The following B3GALNT1 variants were observed in gnomAD, a reference collection of about 807,000 sequenced individuals.
B3GALNT1 encodes the protein UDP-GalNAc:beta-1,3-N-acetylgalactosaminyltransferase 1.
In B3GALNT1, 17 loss-of-function variants were observed where a neutral mutation model predicts 27.3. The observed-to-expected ratio is 0.62, with a 90% confidence interval of 0.43 to 0.94. The LOEUF is 0.94. Among genes scored for constraint, B3GALNT1 ranks in the 40% least tolerant of loss-of-function variants. The pLI, the probability that B3GALNT1 is intolerant of heterozygous loss-of-function variation, is 0.00. For synonymous variants in B3GALNT1, 141 were observed against 144.0 expected (o/e 0.98, Z 0.15); for missense variants, 347 against 390.0 (o/e 0.89, Z 0.93).
At chr3:161,105,195 A>G (rs1176642473) in intron 1 of B3GALNT1, 40 bp downstream of exon 1, 1 of 152,154 alleles carries the variant, frequency 6.6e-6, no homozygotes, top group Non-Finnish European at 1.5e-5. Flanking sequence ...GCAGGACTCA[A>G]CCGCCTCGGA....
intron 4 of B3GALNT1, among the ~76,000 whole-genome samples, chr3:161,096,236 TA>T (rs1287720123): frequency 4.6e-5 from 7 of 152,234 alleles, no homozygotes; most frequent in Non-Finnish European, 1.5e-5. Flanking sequence ...ATTTGTTGAT[TA>T]TGTTTTTCTT....
chr3:161,098,088 C>T (rs947418953), intron 4 of B3GALNT1, among the ~76,000 whole-genome samples: 3 of 152,126 alleles, frequency 2.0e-5, no homozygotes, highest in Non-Finnish European at 2.9e-5. Context: ...AGCAATAGTC[C>T]TTGCTTGGTC....
At chr3:161,092,769 T>C (rs9865006) in intron 4 of B3GALNT1, among the ~76,000 whole-genome samples, 49 of 142,232 alleles carry the variant, frequency 3.4e-4, no homozygotes, top group African/African-American at 9.7e-4. Flanking sequence ...TTTTCTTTTT[T>C]TTTTTTTTTT....
At chr3:161,098,894 T>C (rs1294067190) in intron 4 of B3GALNT1, among the ~76,000 whole-genome samples, 1 of 152,192 alleles carries the variant, frequency 6.6e-6, no homozygotes. Flanking sequence ...CCATTTTCAA[T>C]AGGGTTCTTC....
chr3:161,085,833 C>T lies in B3GALNT1; in HGVS notation c.922G>A (p.Ala308Thr), dbSNP rs749221871. 50 of 1,614,028 alleles carry T rather than the reference C, an allele frequency of 3.1e-5. No individual in the cohort carries two copies. The highest frequency in any genetic ancestry group is 4.1e-5 in the Non-Finnish European group (48 of 1,180,018). Residue 308 changes from alanine to threonine, a missense_variant, in exon 5 of 5, where the codon GCC (alanine) becomes ACC (threonine). Physicochemically the swap from Ala to Thr is moderately conservative, Grantham distance 58. Transcript: ENST00000320474. ...ATCTCCTTGGAAGAAAAGCCATGGG[C>T]TGCAATCACACGTCTCAGTTGACAG... ...DVCQLRRVIA[A>T]HGFSSKEIIT...
At chr3:161,097,980 A>C (rs1022171083) in intron 4 of B3GALNT1, among the ~76,000 whole-genome samples, 3 of 152,218 alleles carry the variant, frequency 2.0e-5, no homozygotes, top group Non-Finnish European at 4.4e-5. Flanking sequence ...TTAAAAATGA[A>C]ATATGCTTTA....
chr3:161,104,218 A>C, intron 2 of B3GALNT1, 101 bp downstream of exon 2: 1 of 911,268 alleles, frequency 1.1e-6, no homozygotes. Flanking sequence ...ACACATGCAT[A>C]CTAAGAGCAC....
In B3GALNT1 at chr3:161,086,662, A is replaced by C; in HGVS notation, c.93T>G (p.Phe31Leu). ...GGGGAAGGCTGAGGTACCACATCAC[A>C]AAGAAACTCAGGAGTGACAGCAGCA... ...SLLLLSLLSFFVMWYLSLPHY... is the reference protein window; with the variant it reads ...SLLLLSLLSFLVMWYLSLPHY... Residue 31 changes from phenylalanine to leucine, a missense_variant, in exon 5 of 5, where the codon TTT becomes TTG. Physicochemically the swap from Phe to Leu is conservative, Grantham distance 22. Coordinates refer to ENST00000320474, the MANE Select transcript of B3GALNT1 (RefSeq NM_003781.4). 1 of 1,614,222 alleles carries C rather than the reference A, an allele frequency of 6.2e-7. No individual in the cohort carries two copies. Among genetic ancestry groups the C allele is most frequent in the East Asian group, 2.2e-5 (1 of 44,882 alleles).
intron 4 of B3GALNT1, among the ~76,000 whole-genome samples, chr3:161,096,663 A>G (rs963050739): frequency 3.3e-5 from 5 of 152,196 alleles, no homozygotes; most frequent in African/African-American, 1.2e-4. Flanking sequence ...TCTACCATTC[A>G]ATTAGACTTG....
At chr3:161,092,799 C>T (rs1439960023) in intron 4 of B3GALNT1, among the ~76,000 whole-genome samples, 1 of 137,300 alleles carries the variant, frequency 7.3e-6, no homozygotes, top group Non-Finnish European at 1.5e-5. Flanking sequence ...TGGAGTCTCG[C>T]TCTGTCGCCC....
chr3:161,097,610 C>T (rs186174279), intron 4 of B3GALNT1, among the ~76,000 whole-genome samples: 7 of 152,166 alleles, frequency 4.6e-5, no homozygotes, highest in Non-Finnish European at 7.3e-5. Flanking sequence ...CAAAGCCAAA[C>T]GCACATTTCT....
intron 4 of B3GALNT1, among the ~76,000 whole-genome samples, chr3:161,087,564 T>C (rs2231252): frequency 0.2 from 30,383 of 152,116 alleles, 3,109 homozygotes; most frequent in East Asian, 0.26. Context: ...ACATTTCCCA[T>C]TCCAACCTCT....
At chr3:161,102,944 G>C (rs956655599) in intron 3 of B3GALNT1, among the ~76,000 whole-genome samples, 9 of 152,172 alleles carry the variant, frequency 5.9e-5, no homozygotes, top group African/African-American at 2.2e-4. Context: ...GTACTCAATG[G>C]AGCATTTTCT....
chr3:161,092,059 A>T (rs1375341899), intron 4 of B3GALNT1, among the ~76,000 whole-genome samples: 1 of 152,192 alleles, frequency 6.6e-6, no homozygotes, highest in Non-Finnish European at 1.5e-5. Context: ...ATTAATCGTA[A>T]CATCATAAAT....
chr3:161,102,153 G>T (rs1184827115), intron 3 of B3GALNT1, among the ~76,000 whole-genome samples: 1 of 152,132 alleles, frequency 6.6e-6, no homozygotes, highest in Non-Finnish European at 1.5e-5. Context: ...ATAGAAAGTG[G>T]TAACTCCATT....
At chr3:161,093,733 T>A (rs760754933) in intron 4 of B3GALNT1, among the ~76,000 whole-genome samples, 13 of 152,146 alleles carry the variant, frequency 8.5e-5, no homozygotes, top group Non-Finnish European at 1.3e-4. Context: ...GCACTGTGGT[T>A]CACACCTATA....
chr3:161,094,565 T>TGTAATAATTTAAAAA (rs1727038210), intron 4 of B3GALNT1, among the ~76,000 whole-genome samples: 2 of 152,140 alleles, frequency 1.3e-5, no homozygotes, highest in South Asian at 4.1e-4. Context: ...AGAAATCAAA[T>TGTAATAATTTAAAAA]GTAATTATTT....
intron 3 of B3GALNT1, 102 bp downstream of exon 3, chr3:161,103,325 T>G (rs764168541): frequency 2.5e-6 from 1 of 396,944 alleles, no homozygotes; most frequent in Non-Finnish European, 4.5e-6. Context: ...TACAACAAAC[T>G]TCGTGGCTGC....
chr3:161,102,290 G>C (rs1211570418), intron 3 of B3GALNT1, among the ~76,000 whole-genome samples: 2 of 152,078 alleles, frequency 1.3e-5, no homozygotes, highest in African/African-American at 4.8e-5. Context: ...ACATGGGGTG[G>C]GAAACCGATA....
Sources: gnomAD v4.1 joint callset for allele counts (sites outside exome capture counted in the v4.1 genomes callset) on GRCh38, gnomAD v4.1.1 for gene constraint, MANE v1.5 for transcripts, NCBI Gene and HGNC (gene_info 2026-07-23, HGNC 2026-07-21) for gene names.